The following LDB2 variants were observed in gnomAD, a reference collection of about 807,000 sequenced individuals.
LDB2 encodes the protein LIM domain-binding protein 2.
A neutral mutation model predicts 44.3 loss-of-function variants in LDB2; 12 were observed. That is an observed-to-expected ratio of 0.27 (90% CI 0.17 to 0.44). The LOEUF (loss-of-function observed/expected upper bound fraction) is 0.44. Ranked by LOEUF, LDB2 falls within the 20% of genes least tolerant of loss-of-function variation. The pLI is 1.00. For missense variants in LDB2, 344 were observed against 473.5 expected (o/e 0.73, Z 2.54); for synonymous variants, 164 against 174.8 (o/e 0.94, Z 0.49).
intron 2 of LDB2, among the ~76,000 whole-genome samples, chr4:16,704,999 G>C (rs778633128): frequency 1.3e-5 from 2 of 152,172 alleles, no homozygotes; most frequent in Non-Finnish European, 2.9e-5. Flanking sequence ...TTTGGCTTAA[G>C]AGGAAATTTC....
At chr4:16,611,956 A>C (rs968369248) in intron 2 of LDB2, among the ~76,000 whole-genome samples, 2 of 152,162 alleles carry the variant, frequency 1.3e-5, no homozygotes, top group Non-Finnish European at 2.9e-5. Context: ...TTGACCACAT[A>C]ATTGGAAGTA....
intron 1 of LDB2, among the ~76,000 whole-genome samples, chr4:16,834,708 T>A (rs1784612857): frequency 1.3e-5 from 2 of 151,960 alleles, no homozygotes; most frequent in South Asian, 4.2e-4. Context: ...GTGCGTGTAA[T>A]CCCCTCTACT....
chr4:16,894,481 T>C (rs759916833), intron 1 of LDB2, among the ~76,000 whole-genome samples: 3 of 152,158 alleles, frequency 2.0e-5, no homozygotes, highest in Non-Finnish European at 4.4e-5. Flanking sequence ...AAATATACTT[T>C]TGTTGTTGTT....
At chr4:16,822,312 C>T (rs770513193) in intron 1 of LDB2, among the ~76,000 whole-genome samples, 39 of 152,060 alleles carry the variant, frequency 2.6e-4, no homozygotes, top group Non-Finnish European at 5.3e-4. Flanking sequence ...GACTAATGGC[C>T]ATAAGCTTAG....
intron 1 of LDB2, among the ~76,000 whole-genome samples, chr4:16,818,289 G>A (rs181651143): frequency 2.0e-5 from 3 of 152,280 alleles, no homozygotes; most frequent in African/African-American, 7.2e-5. Flanking sequence ...TTAAAGACTA[G>A]AGATAGAGCT....
chr4:16,626,128 C>A (rs1730226190), intron 2 of LDB2, among the ~76,000 whole-genome samples: 1 of 152,092 alleles, frequency 6.6e-6, no homozygotes, highest in Non-Finnish European at 1.5e-5. Flanking sequence ...AGTCATTAAC[C>A]CCTTTGTATA....
At chr4:16,645,394 G>C (rs1038265150) in intron 2 of LDB2, among the ~76,000 whole-genome samples, 3 of 151,584 alleles carry the variant, frequency 2.0e-5, no homozygotes, top group Non-Finnish European at 4.4e-5. Context: ...AAAATTAGCC[G>C]GGCGCGGTGG....
chr4:16,724,164 G>C (rs142440873), intron 2 of LDB2, among the ~76,000 whole-genome samples: 2 of 152,156 alleles, frequency 1.3e-5, no homozygotes, highest in Non-Finnish European at 2.9e-5. Context: ...AAATTTAAAT[G>C]TGACACATTA....
At chr4:16,778,118 A>C (rs142847801) in intron 1 of LDB2, among the ~76,000 whole-genome samples, 1,559 of 152,236 alleles carry the variant, frequency 0.01, 25 homozygotes, top group African/African-American at 0.034. Flanking sequence ...TATTGGGCAC[A>C]CATATTTGAT....
At chr4:16,603,087 A>C (rs1484675929) in intron 2 of LDB2, among the ~76,000 whole-genome samples, 1 of 152,146 alleles carries the variant, frequency 6.6e-6, no homozygotes, top group East Asian at 1.9e-4. Context: ...ACTATGGGCT[A>C]TTTCTTCTAG....
chr4:16,530,720 C>T (rs940416836), intron 5 of LDB2, among the ~76,000 whole-genome samples: 27 of 152,174 alleles, frequency 1.8e-4, no homozygotes, highest in Non-Finnish European at 1.5e-5. Flanking sequence ...TCTATCCTCA[C>T]AGAGACTCTC....
chr4:16,565,517 T>A (rs1031799304), intron 5 of LDB2, among the ~76,000 whole-genome samples: 2 of 152,030 alleles, frequency 1.3e-5, no homozygotes, highest in Non-Finnish European at 1.5e-5. Flanking sequence ...CTATCTCAAA[T>A]CTCAGATAAT....
intron 2 of LDB2, among the ~76,000 whole-genome samples, chr4:16,757,567 G>A (rs573196171): frequency 4.6e-5 from 7 of 152,174 alleles, no homozygotes; most frequent in East Asian, 3.9e-4. Context: ...ATGGATTCCC[G>A]AACCAACAAA....
At chr4:16,549,899 T>G (rs1314131528) in intron 5 of LDB2, among the ~76,000 whole-genome samples, 2 of 152,312 alleles carry the variant, frequency 1.3e-5, no homozygotes, top group East Asian at 3.9e-4. Context: ...ATGGCTCTAG[T>G]AGGAGGTCTG....
chr4:16,792,647 A>G (rs980386243), intron 1 of LDB2, among the ~76,000 whole-genome samples: 8 of 152,172 alleles, frequency 5.3e-5, no homozygotes, highest in African/African-American at 1.7e-4. Flanking sequence ...GCCCATAGAC[A>G]TTACCCTGCC....
rs143901870 is a variant in LDB2, at chr4:16,545,039, C to G, written c.616-32935G>C. Among the ~76,000 whole-genome samples, 548 of 152,100 alleles carry G rather than the reference C, an allele frequency of 3.6e-3. 3 individuals are homozygous for G. The highest frequency in any genetic ancestry group is 0.013 in the African/African-American group (523 of 41,478). ...ACCAAGACAGCATGATGCCCATACA[C>G]GAAGGGAAGAAGTATTTCATGGAGA... On this transcript the variant is annotated intron_variant, in intron 5 of 7. Coordinates refer to ENST00000304523, the MANE Select transcript of LDB2 (RefSeq NM_001290.5).
intron 5 of LDB2, among the ~76,000 whole-genome samples, chr4:16,560,261 A>G (rs1310947882): frequency 6.6e-6 from 1 of 152,238 alleles, no homozygotes; most frequent in Non-Finnish European, 1.5e-5. Flanking sequence ...CCCTTAAAAA[A>G]TTAATGAATC....
intron 5 of LDB2, among the ~76,000 whole-genome samples, chr4:16,527,751 A>C (rs1185045412): frequency 4.6e-5 from 7 of 152,342 alleles, no homozygotes; most frequent in Admixed American, 4.6e-4. Context: ...ATATTTAATA[A>C]TACTATATTG....
At chr4:16,818,480 G>C (rs1046441141) in intron 1 of LDB2, among the ~76,000 whole-genome samples, 1 of 152,172 alleles carries the variant, frequency 6.6e-6, no homozygotes, top group African/African-American at 2.4e-5. Context: ...TGGCAATTGA[G>C]TCAAAATACA....
Sources: allele counts gnomAD v4.1 joint callset (sites outside exome capture counted in the v4.1 genomes callset), GRCh38; gene constraint gnomAD v4.1.1; transcripts MANE v1.5; gene names NCBI Gene and HGNC (gene_info 2026-07-23, HGNC 2026-07-21).